Variants in PRPSAP1 observed in about 807,000 individuals in gnomAD.
PRPSAP1 encodes the protein phosphoribosyl pyrophosphate synthase-associated protein 1.
In PRPSAP1, 31 loss-of-function variants were observed where a neutral mutation model predicts 39.4. That is an observed-to-expected ratio of 0.79 (90% CI 0.59 to 1.06). The LOEUF is 1.06. Among genes scored for constraint, PRPSAP1 ranks in the 50% least tolerant of loss-of-function variants. The pLI, the probability that PRPSAP1 is intolerant of heterozygous loss-of-function variation, is 0.00. For missense variants in PRPSAP1, 430 were observed against 511.6 expected, an observed-to-expected ratio of 0.84 and a Z score of 1.54; for synonymous variants, 212 against 192.6, an observed-to-expected ratio of 1.10 and a Z score of -0.83.
At chr17:76,348,224 G>A (rs1018896568) in intron 2 of PRPSAP1, among the ~76,000 whole-genome samples, 5 of 151,822 alleles carry the variant, frequency 3.3e-5, no homozygotes, top group Admixed American at 2.6e-4. Flanking sequence ...TGTAATCCTA[G>A]CACTTTGGGA....
chr17:76,347,698 T>C (rs1186165106), intron 2 of PRPSAP1, among the ~76,000 whole-genome samples: 1 of 151,958 alleles, frequency 6.6e-6, no homozygotes, highest in Non-Finnish European at 1.5e-5. Flanking sequence ...TTAAAAAGAC[T>C]GCTGGCTACT....
chr17:76,319,868 T>C (rs1247319776), intron 7 of PRPSAP1, among the ~76,000 whole-genome samples: 1 of 152,158 alleles, frequency 6.6e-6, no homozygotes, highest in East Asian at 1.9e-4. Flanking sequence ...GGCGTGGTTA[T>C]AGCACAAAAG....
intron 6 of PRPSAP1, among the ~76,000 whole-genome samples, chr17:76,329,324 A>G (rs1390604426): frequency 6.6e-6 from 1 of 152,136 alleles, no homozygotes; most frequent in African/African-American, 2.4e-5. Context: ...TTGGCCTCCC[A>G]AAGTGCTGGA....
intron 1 of PRPSAP1, among the ~76,000 whole-genome samples, chr17:76,351,329 A>T (rs2071567723): frequency 6.6e-6 from 1 of 152,130 alleles, no homozygotes; most frequent in South Asian, 2.1e-4. Context: ...AACCTGGCTA[A>T]CACAGTGAAA....
chr17:76,341,241 T>G (rs974598506), intron 3 of PRPSAP1, among the ~76,000 whole-genome samples: 95 of 146,766 alleles, frequency 6.5e-4, no homozygotes, highest in African/African-American at 1.6e-3. Flanking sequence ...TTTGTTTTTT[T>G]TTTTTTTTTT....
intron 7 of PRPSAP1, among the ~76,000 whole-genome samples, chr17:76,319,189 C>T (rs576487228): frequency 9.2e-5 from 14 of 152,060 alleles, no homozygotes; most frequent in Admixed American, 2.6e-4. Context: ...CTGCCTGCCT[C>T]GGCCTCCCAA....
intron 4 of PRPSAP1, 49 bp downstream of exon 4, chr17:76,332,214 G>T: frequency 6.3e-7 from 1 of 1,583,586 alleles, no homozygotes; most frequent in East Asian, 2.2e-5. Context: ...AACTAGGAAA[G>T]AGCCCTAAAG....
intron 3 of PRPSAP1, among the ~76,000 whole-genome samples, chr17:76,332,993 G>A (rs1204409098): frequency 4.0e-5 from 6 of 150,878 alleles, no homozygotes; most frequent in African/African-American, 1.5e-4. Context: ...CGAGGTTCAC[G>A]CCATTCTCCT....
At chr17:76,325,383 T>TG (rs1354398254) in intron 7 of PRPSAP1, among the ~76,000 whole-genome samples, 1 of 102,234 alleles carries the variant, frequency 9.8e-6, no homozygotes, top group Non-Finnish European at 1.7e-5. Context: ...CACTCCAGCC[T>TG]GGGCGACAGA....
At chr17:76,332,704 G>A (rs150493869) in intron 3 of PRPSAP1, among the ~76,000 whole-genome samples, 9 of 152,070 alleles carry the variant, frequency 5.9e-5, no homozygotes, top group African/African-American at 1.9e-4. Context: ...GTCATACCCC[G>A]TTACTGCAGT....
At chr17:76,315,586 A>G (rs1279328379) in intron 7 of PRPSAP1, among the ~76,000 whole-genome samples, 2 of 152,066 alleles carry the variant, frequency 1.3e-5, no homozygotes, top group African/African-American at 2.4e-5. Context: ...TTTGCATATA[A>G]AATCACTTAA....
At position 76,330,087 on chromosome 17, in the gene PRPSAP1, G is replaced by A; in HGVS notation, c.591C>T (p.Tyr197=). 1.9e-6 allele frequency: 3 copies of A among 1,612,972 alleles called. No homozygotes were observed. The highest frequency in any genetic ancestry group is 2.5e-6 in the Non-Finnish European group (3 of 1,179,030). Residue 197 remains tyrosine (Y), a synonymous_variant, in exon 6 of 10, where the codon TAC becomes TAT. Coordinates refer to ENST00000446526, the MANE Select transcript of PRPSAP1 (RefSeq NM_002766.3). ...ACTTAGCTACAATGACTGCATTTCT[G>A]TAATTTGGAATCTAGATTTGAAGGA... is the stretch of plus-strand genomic sequence containing the variant. The part of the protein sequence containing the change: ...LQYIQEEIPN[Y]RNAVIVAKSP...
chr17:76,341,130 G>A (rs1482442104), intron 3 of PRPSAP1, among the ~76,000 whole-genome samples: 2 of 151,852 alleles, frequency 1.3e-5, no homozygotes, highest in Non-Finnish European at 2.9e-5. Context: ...GAACTGCTCT[G>A]ATCATGCACC....
At chr17:76,351,942 T>C (rs566294530) in intron 1 of PRPSAP1, among the ~76,000 whole-genome samples, 2 of 152,084 alleles carry the variant, frequency 1.3e-5, no homozygotes, top group Non-Finnish European at 2.9e-5. Flanking sequence ...TTAAAGTCAG[T>C]GTTTTCGTTG....
chr17:76,340,918 C>CG, intron 3 of PRPSAP1, among the ~76,000 whole-genome samples: 1 of 144,774 alleles, frequency 6.9e-6, no homozygotes, highest in Non-Finnish European at 1.5e-5. Context: ...AAAAAAAAAG[C>CG]GGGGGGTAGG....
At chr17:76,342,789 T>C (rs2071453398) in intron 3 of PRPSAP1, among the ~76,000 whole-genome samples, 1 of 149,258 alleles carries the variant, frequency 6.7e-6, no homozygotes, top group Non-Finnish European at 1.5e-5. Flanking sequence ...GAAGACTGAA[T>C]AGGGCCGGGC....
At chr17:76,353,310 G>A (rs540881991) in intron 1 of PRPSAP1, 51 of 508,060 alleles carry the variant, frequency 1.0e-4, no homozygotes, top group Middle Eastern at 5.0e-4. Context: ...CAGTCACGGG[G>A]CGGGGGGCTG....
intron 7 of PRPSAP1, among the ~76,000 whole-genome samples, chr17:76,315,653 G>T (rs1295487271): frequency 1.7e-5 from 2 of 119,818 alleles, no homozygotes; most frequent in Admixed American, 8.5e-5. Flanking sequence ...CTGAGATTCT[G>T]TTTTTAAATT....
rs769896488 is a variant in PRPSAP1 at position 76,312,964 on chromosome 17, T to C, written c.905A>G (p.Lys302Arg). ...ATAGATCTTATAGGCGCCTCTCTCT[T>C]TCAGGATCTCCGCGGCAGCAACAAA... Reference protein sequence around the residue: ...ESFVAAAEILKERGAYKIYVM... With the variant: ...ESFVAAAEILRERGAYKIYVM... The change falls in exon 9 of 10, where the codon AAA becomes AGA. Residue 302 changes from lysine (K) to arginine (R), a missense_variant. Lys to Arg is a conservative substitution (Grantham distance 26, BLOSUM62 2). Coordinates refer to ENST00000446526, the MANE Select transcript of PRPSAP1 (RefSeq NM_002766.3). 1 of 1,614,032 alleles carries C rather than the reference T, an allele frequency of 6.2e-7. No individual in the cohort carries two copies. The highest frequency in any genetic ancestry group is 1.1e-5 in the South Asian group (1 of 91,082).
Sources: allele counts gnomAD v4.1 joint callset (sites outside exome capture counted in the v4.1 genomes callset), GRCh38; gene constraint gnomAD v4.1.1; transcripts MANE v1.5; gene names NCBI Gene and HGNC (gene_info 2026-07-23, HGNC 2026-07-21).